The following TRABD2B variants were observed in gnomAD, a reference collection of about 807,000 sequenced individuals.
The protein encoded by TRABD2B is TraB domain containing 2B.
A neutral mutation model predicts 40.1 loss-of-function variants in TRABD2B; 14 were observed. That is an observed-to-expected ratio of 0.35 (90% CI 0.23 to 0.55). The LOEUF (loss-of-function observed/expected upper bound fraction) is 0.55, where lower values mean the gene tolerates loss of function less well. TRABD2B is among the 20% of genes least tolerant of loss of function. The probability of loss-of-function intolerance (pLI) is 0.90; values close to 1 mark genes in which losing one functional copy is unlikely to be tolerated. For synonymous variants in TRABD2B, 263 were observed against 277.0 expected, an observed-to-expected ratio of 0.95 and a Z score of 0.50; for missense variants, 541 against 648.6, an observed-to-expected ratio of 0.83 and a Z score of 1.80.
intron 2 of TRABD2B, among the ~76,000 whole-genome samples, chr1:47,816,892 G>A (rs565203441): frequency 2.6e-5 from 4 of 152,286 alleles, no homozygotes; most frequent in Admixed American, 1.3e-4. Flanking sequence ...TGACTTTCCT[G>A]AGGTCACACA....
Position 47,765,828 on chromosome 1 carries a change from G to A in TRABD2B, c.*74C>T. The A allele has an allele frequency of 1.4e-6, 1 of 702,802 alleles. No individual in the cohort carries two copies. 43.5% of individuals were successfully genotyped at this position (702,802 alleles called of 1,614,324 possible). ...ACGTGTTGGGCACCCCCTGGAGGTGGTGGCAGGAGCAGTTGGGTGTGGCCG... is the reference window on the plus strand; with the variant it reads ...ACGTGTTGGGCACCCCCTGGAGGTGATGGCAGGAGCAGTTGGGTGTGGCCG... On this transcript the variant is annotated 3_prime_UTR_variant, in exon 7 of 7. Transcript: ENST00000606738.
chr1:47,856,191 G>A (rs1428309981), intron 2 of TRABD2B, among the ~76,000 whole-genome samples: 1 of 152,230 alleles, frequency 6.6e-6, no homozygotes, highest in Admixed American at 6.5e-5. Context: ...TGTAAGCGGG[G>A]TCTGCGGGCA....
chr1:47,788,495 A>G (rs1357303299), intron 4 of TRABD2B, among the ~76,000 whole-genome samples: 1 of 152,136 alleles, frequency 6.6e-6, no homozygotes, highest in African/African-American at 2.4e-5. Context: ...CTTGCCTCTT[A>G]ACTCTTCAAG....
At chr1:47,849,705 G>A (rs532554681) in intron 2 of TRABD2B, among the ~76,000 whole-genome samples, 2 of 152,270 alleles carry the variant, frequency 1.3e-5, no homozygotes, top group Non-Finnish European at 1.5e-5. Context: ...GGTGTGAGCC[G>A]GTGGGATTGG....
chr1:47,783,424 G>A (rs540880109), intron 4 of TRABD2B, among the ~76,000 whole-genome samples: 1 of 152,350 alleles, frequency 6.6e-6, no homozygotes, highest in South Asian at 2.1e-4. Flanking sequence ...CATCAGGGAA[G>A]GCTTCCGAGA....
At chr1:47,799,522 A>C (rs953527939) in intron 3 of TRABD2B, among the ~76,000 whole-genome samples, 1 of 152,058 alleles carries the variant, frequency 6.6e-6, no homozygotes, top group African/African-American at 2.4e-5. Context: ...ACATGCCTAC[A>C]TTTGCTCGGG....
intron 2 of TRABD2B, among the ~76,000 whole-genome samples, chr1:47,930,121 A>G (rs1253033903): frequency 6.6e-6 from 1 of 152,066 alleles, no homozygotes; most frequent in Non-Finnish European, 1.5e-5. Flanking sequence ...GGGGAACAGC[A>G]CACCCTTCCC....
At chr1:47,866,966 G>A (rs1014506334) in intron 2 of TRABD2B, among the ~76,000 whole-genome samples, 4 of 152,128 alleles carry the variant, frequency 2.6e-5, no homozygotes, top group African/African-American at 9.7e-5. Context: ...CAGCCAATCT[G>A]CCCCTTACCT....
intron 6 of TRABD2B, 90 bp downstream of exon 6, chr1:47,775,080 C>G: frequency 8.4e-7 from 1 of 1,193,476 alleles, no homozygotes; most frequent in Non-Finnish European, 1.0e-6. Flanking sequence ...GCTGGCCTGA[C>G]GACAGTGTGC....
At chr1:47,895,651 G>A (rs1005589586) in intron 2 of TRABD2B, among the ~76,000 whole-genome samples, 1 of 152,224 alleles carries the variant, frequency 6.6e-6, no homozygotes, top group African/African-American at 2.4e-5. Context: ...CAAGGTGGCA[G>A]GAGACAGAGT....
intron 2 of TRABD2B, among the ~76,000 whole-genome samples, chr1:47,825,506 C>T (rs1645163304): frequency 6.6e-6 from 1 of 152,256 alleles, no homozygotes; most frequent in Non-Finnish European, 1.5e-5. Flanking sequence ...AGAAGGGCCT[C>T]CTGCCAAACC....
intron 2 of TRABD2B, among the ~76,000 whole-genome samples, chr1:47,842,784 C>T (rs1388115024): frequency 6.6e-6 from 1 of 152,182 alleles, no homozygotes; most frequent in African/African-American, 2.4e-5. Flanking sequence ...GTGGAGATTT[C>T]ATTGTAGCAG....
chr1:47,962,045 G>C (rs1387462491), intron 2 of TRABD2B, among the ~76,000 whole-genome samples: 3 of 152,124 alleles, frequency 2.0e-5, no homozygotes, highest in Non-Finnish European at 4.4e-5. Context: ...AAAAAATGAT[G>C]AGTTCATGTC....
chr1:47,787,827 T>C (rs2124168281), intron 4 of TRABD2B, among the ~76,000 whole-genome samples: 1 of 152,300 alleles, frequency 6.6e-6, no homozygotes, highest in Non-Finnish European at 1.5e-5. Flanking sequence ...CGCACCTTCT[T>C]AGTGCTCAGG....
chr1:47,846,090 T>C (rs1045913763), intron 2 of TRABD2B, among the ~76,000 whole-genome samples: 10 of 152,188 alleles, frequency 6.6e-5, no homozygotes, highest in Admixed American at 1.3e-4. Flanking sequence ...GGCAATACTT[T>C]AATAGCTGCT....
intron 2 of TRABD2B, among the ~76,000 whole-genome samples, chr1:47,935,098 G>T (rs1477401109): frequency 1.3e-5 from 2 of 152,144 alleles, no homozygotes; most frequent in Non-Finnish European, 2.9e-5. Flanking sequence ...AGGTAGACAA[G>T]TAGTCTCTAC....
chr1:47,767,159 C>T (rs533461381), intron 6 of TRABD2B, among the ~76,000 whole-genome samples: 44 of 152,240 alleles, frequency 2.9e-4, no homozygotes, highest in Admixed American at 9.2e-4. Flanking sequence ...GACCTGTGGA[C>T]GAGAGGGACA....
chr1:47,888,874 C>T (rs999624310), intron 2 of TRABD2B, among the ~76,000 whole-genome samples: 1 of 152,200 alleles, frequency 6.6e-6, no homozygotes, highest in Non-Finnish European at 1.5e-5. Flanking sequence ...GGAATACTCA[C>T]ATTGGAGCTG....
chr1:47,914,092 C>A (rs535097958), intron 2 of TRABD2B, among the ~76,000 whole-genome samples: 1 of 152,350 alleles, frequency 6.6e-6, no homozygotes, highest in South Asian at 2.1e-4. Flanking sequence ...TTCCAATGTT[C>A]CCAAACACAC....
Sources: allele counts gnomAD v4.1 joint callset (sites outside exome capture counted in the v4.1 genomes callset), GRCh38; gene constraint gnomAD v4.1.1; transcripts MANE v1.5; gene names NCBI Gene and HGNC (gene_info 2026-07-23, HGNC 2026-07-21).